The following SLC5A7 variants were observed in gnomAD, a reference collection of about 807,000 sequenced individuals.
The protein encoded by SLC5A7 is solute carrier family 5 member 7, also known as high affinity choline transporter 1.
In SLC5A7, 19 loss-of-function variants were observed where a neutral mutation model predicts 55.4. That is an observed-to-expected ratio of 0.34 (90% CI 0.24 to 0.50). The LOEUF is 0.50. Ranked by LOEUF, SLC5A7 falls within the 20% of genes least tolerant of loss-of-function variation. The pLI, the probability that SLC5A7 is intolerant of heterozygous loss-of-function variation, is 0.98. For synonymous variants in SLC5A7, 265 were observed against 263.7 expected, an observed-to-expected ratio of 1.00 and a Z score of -0.05; for missense variants, 506 against 705.3, an observed-to-expected ratio of 0.72 and a Z score of 3.20.
chr2:108,003,447 C>A (rs1039680560), intron 6 of SLC5A7, among the ~76,000 whole-genome samples: 5 of 152,148 alleles, frequency 3.3e-5, no homozygotes, highest in African/African-American at 1.2e-4. Context: ...TAGTCATATT[C>A]ATGATTCAAA....
At chr2:107,995,047 T>C (rs944518077) in intron 4 of SLC5A7, among the ~76,000 whole-genome samples, 5 of 152,214 alleles carry the variant, frequency 3.3e-5, no homozygotes, top group Non-Finnish European at 7.3e-5. Context: ...AGCTTAAGGA[T>C]GTAGATGCAT....
At chr2:107,997,506 A>G (rs1677712910) in intron 4 of SLC5A7, among the ~76,000 whole-genome samples, 1 of 152,190 alleles carries the variant, frequency 6.6e-6, no homozygotes, top group African/African-American at 2.4e-5. Context: ...ATTGAGTCAG[A>G]GTTCCAGATA....
intron 7 of SLC5A7, among the ~76,000 whole-genome samples, 179 bp from the exon 8 acceptor site, chr2:108,008,286 C>T (rs1420957591): frequency 6.6e-6 from 1 of 152,118 alleles, no homozygotes; most frequent in Non-Finnish European, 1.5e-5. Flanking sequence ...TAACCAATAC[C>T]TTTTAGAAGC....
At chr2:107,997,252 T>C (rs905020150) in intron 4 of SLC5A7, among the ~76,000 whole-genome samples, 2 of 152,232 alleles carry the variant, frequency 1.3e-5, no homozygotes, top group African/African-American at 4.8e-5. Context: ...TTAGATATGA[T>C]GTGTAGATAT....
In SLC5A7 at chr2:108,011,702, C is replaced by T. The variant is rs1678334841; in HGVS notation, c.*841C>T. 2 of 152,020 alleles carry T rather than the reference C, an allele frequency of 1.3e-5. No individual in the cohort carries two copies. The highest frequency in any genetic ancestry group is 4.8e-5 in the African/African-American group (2 of 41,394). 9.4% of individuals were successfully genotyped at this position (152,020 alleles called of 1,614,324 possible). On this transcript the variant is annotated 3_prime_UTR_variant, in exon 9 of 9. Transcript: ENST00000264047. Reference sequence around the variant, plus strand: ...TTTTGCCCCATGATAAAATAAGTAACATATAAATTAATACATAAGTTAATA... The same window carrying T: ...TTTTGCCCCATGATAAAATAAGTAATATATAAATTAATACATAAGTTAATA...
intron 5 of SLC5A7, among the ~76,000 whole-genome samples, chr2:107,998,509 T>C (rs1345437555): frequency 6.6e-6 from 1 of 152,240 alleles, no homozygotes; most frequent in Admixed American, 6.5e-5. Context: ...TCTATTGTTT[T>C]TATTATAATT....
intron 1 of SLC5A7, among the ~76,000 whole-genome samples, chr2:107,987,515 G>A (rs1422267707): frequency 6.6e-6 from 1 of 152,140 alleles, no homozygotes; most frequent in Non-Finnish European, 1.5e-5. Context: ...ACAGAAGCTT[G>A]TTGAAAATGT....
chr2:108,003,833 T>C (rs1477817902), intron 6 of SLC5A7, among the ~76,000 whole-genome samples: 2 of 152,214 alleles, frequency 1.3e-5, no homozygotes, highest in Non-Finnish European at 2.9e-5. Context: ...CTGGGTGATG[T>C]ACAAACAGCA....
chr2:107,993,874 C>G (rs1677551848), intron 4 of SLC5A7, among the ~76,000 whole-genome samples: 1 of 152,194 alleles, frequency 6.6e-6, no homozygotes, highest in Non-Finnish European at 1.5e-5. Context: ...CACAGCAAAA[C>G]TACAAACTTG....
intron 4 of SLC5A7, among the ~76,000 whole-genome samples, chr2:107,996,993 C>G (rs1407481218): frequency 1.3e-5 from 2 of 152,238 alleles, no homozygotes; most frequent in African/African-American, 4.8e-5. Context: ...TTTCTCAATT[C>G]TTTGCTGCCT....
intron 7 of SLC5A7, among the ~76,000 whole-genome samples, chr2:108,006,468 C>T (rs1678129410): frequency 6.6e-6 from 1 of 150,652 alleles, no homozygotes; most frequent in Non-Finnish European, 1.5e-5. Flanking sequence ...GATCCATCTG[C>T]CTCGGTCTCC....
chr2:107,995,468 AGAGTGTGT>A (rs1322577081), intron 4 of SLC5A7, among the ~76,000 whole-genome samples: 15 of 125,414 alleles, frequency 1.2e-4, no homozygotes, highest in South Asian at 5.2e-4. Flanking sequence ...AGAGAGAGAG[AGAGTGTGT>A]GTGTGTGTGT....
In SLC5A7 at chr2:107,988,236, G is replaced by C. The variant is rs1677321281; in HGVS notation, c.81G>C (p.Trp27Cys). ...LILLVGIWAA[W>C]RTKNSGSAEE... ...TGCTGGTTGGAATATGGGCTGCCTG[G>C]AGAACCAAAAACAGTGGCAGCGCAG... Residue 27 changes from tryptophan to cysteine, a missense_variant, in exon 2 of 9, where the codon TGG becomes TGC. Physicochemically the swap from Trp to Cys is radical, Grantham distance 215 (BLOSUM62 -2). This residue lies in a region of SLC5A7 where 56 missense variants were observed against 62.6 expected (regional missense o/e 0.89). Coordinates refer to ENST00000264047, the MANE Select transcript of SLC5A7 (RefSeq NM_021815.5). The C allele has an allele frequency of 9.9e-6, 16 of 1,614,144 alleles. No homozygotes were observed. Among genetic ancestry groups the C allele is most frequent in the Non-Finnish European group, 1.4e-5 (16 of 1,179,978 alleles).
At chr2:108,009,728 T>C (rs1678244308) in intron 8 of SLC5A7, among the ~76,000 whole-genome samples, 1 of 152,202 alleles carries the variant, frequency 6.6e-6, no homozygotes. Flanking sequence ...GCATTTGGGT[T>C]GGTTCCATGA....
At chr2:107,994,805 C>T (rs1677604749) in intron 4 of SLC5A7, among the ~76,000 whole-genome samples, 1 of 152,024 alleles carries the variant, frequency 6.6e-6, no homozygotes, top group African/African-American at 2.4e-5. Flanking sequence ...AAATTACCTG[C>T]TGAGGTATCA....
At chr2:108,006,941 GACAA>G (rs1395149849) in intron 7 of SLC5A7, among the ~76,000 whole-genome samples, 3 of 152,068 alleles carry the variant, frequency 2.0e-5, no homozygotes, top group Non-Finnish European at 4.4e-5. Flanking sequence ...TTTAGGTCAA[GACAA>G]ACAAACAAAG....
chr2:107,992,921 T>G (rs1437878441), intron 3 of SLC5A7, 51 bp from the exon 4 acceptor site: 1 of 1,591,608 alleles, frequency 6.3e-7, no homozygotes, highest in African/African-American at 1.4e-5. Context: ...AGTAAAAGAC[T>G]ATTATATTAC....
chr2:108,000,629 C>G (rs993286147), intron 5 of SLC5A7, among the ~76,000 whole-genome samples: 2 of 152,012 alleles, frequency 1.3e-5, no homozygotes, highest in Non-Finnish European at 2.9e-5. Context: ...GGATCTGGCT[C>G]TGTCAGCCAG....
rs374245840 is a variant in SLC5A7 at position 108,010,836 on chromosome 2, C to T, written c.1718C>T (p.Ser573Phe). The change falls in exon 9 of 9, where the codon TCT (serine) becomes TTT (phenylalanine). Residue 573 changes from serine (S) to phenylalanine (F), a missense_variant. By Grantham distance (155) the Ser-to-Phe change is radical. Transcript: ENST00000264047. The stretch of plus-strand genomic sequence containing the variant: ...GATGTTGATTCCAGTCCAGAAGGGT[C>T]TGGGACTGAAGATAATTTACAGTGA... ...FLDVDSSPEG[S>F]GTEDNLQ 2 of 1,590,936 alleles carry T rather than the reference C, an allele frequency of 1.3e-6. No individual in the cohort carries two copies. Among genetic ancestry groups the T allele is most frequent in the Non-Finnish European group, 1.7e-6 (2 of 1,173,486 alleles).
Sources: allele counts gnomAD v4.1 joint callset (sites outside exome capture counted in the v4.1 genomes callset), GRCh38; gene constraint gnomAD v4.1.1; regional missense constraint gnomAD v4.1.1; transcripts MANE v1.5; gene names NCBI Gene and HGNC (gene_info 2026-07-23, HGNC 2026-07-21).